The following FNDC3B variants were observed in gnomAD, a reference collection of about 807,000 sequenced individuals.
FNDC3B encodes fibronectin type III domain-containing protein 3B.
FNDC3B carries 12 observed loss-of-function variants against 151.5 expected under a neutral mutation model. The observed-to-expected ratio is 0.08, with a 90% CI of 0.05 to 0.13. The LOEUF (loss-of-function observed/expected upper bound fraction) is 0.13, where lower values mean the gene tolerates loss of function less well. Among genes scored for constraint, FNDC3B ranks in the 10% least tolerant of loss-of-function variants. FNDC3B has a pLI of 1.00. For synonymous variants in FNDC3B, 528 were observed against 549.0 expected, an observed-to-expected ratio of 0.96 and a Z score of 0.54; for missense variants, 1,214 against 1,505.3, an observed-to-expected ratio of 0.81 and a Z score of 3.20.
chr3:172,381,591 G>A (rs1458519932), intron 25 of FNDC3B, among the ~76,000 whole-genome samples: 1 of 151,858 alleles, frequency 6.6e-6, no homozygotes, highest in Non-Finnish European at 1.5e-5. Flanking sequence ...ATCTACATTA[G>A]GTATTTCTCC....
chr3:172,357,623 C>G (rs1401000454), intron 22 of FNDC3B, among the ~76,000 whole-genome samples: 4 of 152,186 alleles, frequency 2.6e-5, no homozygotes, highest in Non-Finnish European at 5.9e-5. Flanking sequence ...CCAAAACAAA[C>G]AGTAACTGCC....
At chr3:172,044,483 T>C (rs1716264579) in intron 1 of FNDC3B, among the ~76,000 whole-genome samples, 1 of 152,306 alleles carries the variant, frequency 6.6e-6, no homozygotes, top group East Asian at 1.9e-4. Context: ...CTGGAGGACC[T>C]ATGTCTGTAA....
At chr3:172,344,715 C>G (rs1381048443) in intron 19 of FNDC3B, among the ~76,000 whole-genome samples, 1 of 152,182 alleles carries the variant, frequency 6.6e-6, no homozygotes, top group African/African-American at 2.4e-5. Context: ...TGTTTTGTTT[C>G]ACGTGAAAAC....
chr3:172,187,102 T>G (rs1340019807), intron 3 of FNDC3B: 1 of 209,878 alleles, frequency 4.8e-6, no homozygotes, highest in African/African-American at 2.3e-5. Context: ...AAGTCCTTCA[T>G]GGAAAGTGGA....
chr3:172,342,371 A>G (rs1447141615), intron 17 of FNDC3B, among the ~76,000 whole-genome samples: 1 of 152,226 alleles, frequency 6.6e-6, no homozygotes, highest in Non-Finnish European at 1.5e-5. Flanking sequence ...GAACTGCTCA[A>G]ATGCATAGAG....
At chr3:172,166,437 A>G (rs1180124630) in intron 3 of FNDC3B, among the ~76,000 whole-genome samples, 2 of 152,174 alleles carry the variant, frequency 1.3e-5, no homozygotes, top group African/African-American at 4.8e-5. Context: ...GCTCCTTACC[A>G]TTAGCATCTA....
intron 11 of FNDC3B, among the ~76,000 whole-genome samples, chr3:172,324,196 G>A (rs538000078): frequency 2.0e-5 from 3 of 152,076 alleles, no homozygotes; most frequent in African/African-American, 4.8e-5. Flanking sequence ...AAGAGGCAAA[G>A]CCCTTTCTCC....
At chr3:172,169,910 T>G (rs1258765885) in intron 3 of FNDC3B, among the ~76,000 whole-genome samples, 1 of 152,200 alleles carries the variant, frequency 6.6e-6, no homozygotes, top group Admixed American at 6.5e-5. Context: ...TAAAATAGGA[T>G]TTTTTAAACT....
intron 6 of FNDC3B, among the ~76,000 whole-genome samples, chr3:172,269,835 G>T (rs1300567453): frequency 6.6e-6 from 1 of 152,064 alleles, no homozygotes. Context: ...TTTTAGTAGA[G>T]ACAGGGTTTC....
At chr3:172,279,777 TA>T (rs886664105) in intron 6 of FNDC3B, among the ~76,000 whole-genome samples, 58 of 152,354 alleles carry the variant, frequency 3.8e-4, no homozygotes, top group African/African-American at 1.3e-3. Context: ...GAGTCTTAGA[TA>T]ATTAATTCTT....
At chr3:172,353,328 C>T (rs1733947003) in intron 22 of FNDC3B, among the ~76,000 whole-genome samples, 1 of 152,164 alleles carries the variant, frequency 6.6e-6, no homozygotes, top group Non-Finnish European at 1.5e-5. Context: ...CCAGAGTGGA[C>T]TCAAATCCTC....
intron 3 of FNDC3B, among the ~76,000 whole-genome samples, chr3:172,175,815 G>A (rs1723564888): frequency 1.3e-5 from 2 of 152,098 alleles, no homozygotes; most frequent in Admixed American, 6.5e-5. Context: ...TGTTTTTCCT[G>A]GGGAGGGGAT....
chr3:172,067,935 C>T (rs958615220), intron 1 of FNDC3B, among the ~76,000 whole-genome samples: 6 of 152,184 alleles, frequency 3.9e-5, no homozygotes, highest in African/African-American at 1.4e-4. Flanking sequence ...AGAGAACGTT[C>T]AGGCCATCAT....
chr3:172,369,915 C>G (rs983575278), intron 23 of FNDC3B, among the ~76,000 whole-genome samples: 6 of 151,996 alleles, frequency 3.9e-5, no homozygotes, highest in East Asian at 1.9e-4. Context: ...CTTTCTCTCT[C>G]TCATTCATAC....
intron 1 of FNDC3B, among the ~76,000 whole-genome samples, chr3:172,063,744 C>G (rs1015670869): frequency 6.6e-6 from 1 of 152,124 alleles, no homozygotes; most frequent in Non-Finnish European, 1.5e-5. Context: ...CAGAGTAGGA[C>G]CATCTCTAAT....
chr3:172,047,353 A>G (rs1716415037), intron 1 of FNDC3B, among the ~76,000 whole-genome samples: 1 of 152,230 alleles, frequency 6.6e-6, no homozygotes, highest in African/African-American at 2.4e-5. Flanking sequence ...TTCTAGATGT[A>G]GCTAATTAGG....
intron 11 of FNDC3B, chr3:172,316,338 G>A: frequency 2.2e-6 from 1 of 446,308 alleles, no homozygotes; most frequent in Non-Finnish European, 4.5e-6. Context: ...ATCTAGCAGA[G>A]GTGGGAGTTT....
intron 22 of FNDC3B, among the ~76,000 whole-genome samples, chr3:172,355,516 A>G (rs906361320): frequency 1.3e-5 from 2 of 151,086 alleles, no homozygotes; most frequent in African/African-American, 4.9e-5. Flanking sequence ...TAGAAAATCT[A>G]GGGGGGGGGC....
chr3:172,277,239 G>A (rs1475910264), intron 6 of FNDC3B, among the ~76,000 whole-genome samples: 2 of 152,172 alleles, frequency 1.3e-5, no homozygotes, highest in African/African-American at 2.4e-5. Flanking sequence ...CAATCTAGGT[G>A]TTTTGCTATA....
Sources: gnomAD v4.1 joint callset for allele counts (sites outside exome capture counted in the v4.1 genomes callset) on GRCh38, gnomAD v4.1.1 for gene constraint, MANE v1.5 for transcripts, NCBI Gene and HGNC (gene_info 2026-07-23, HGNC 2026-07-21) for gene names.